FAM210A: variants seen among roughly 807,000 people sequenced by gnomAD.
The protein encoded by FAM210A is family with sequence similarity 210 member A.
FAM210A carries 13 observed loss-of-function variants against 25.3 expected under a neutral mutation model. The observed-to-expected ratio is 0.51, with a 90% CI of 0.33 to 0.82. The LOEUF is 0.82. Ranked by LOEUF, FAM210A falls within the 40% of genes least tolerant of loss-of-function variation. The probability of loss-of-function intolerance (pLI) is 0.02; values close to 1 mark genes in which losing one functional copy is unlikely to be tolerated. For synonymous variants in FAM210A, 125 were observed against 118.7 expected (o/e 1.05, Z -0.35); for missense variants, 319 against 323.2 (o/e 0.99, Z 0.10).
chr18:13,694,882 T>C (rs976721195), intron 1 of FAM210A, among the ~76,000 whole-genome samples: 2 of 152,010 alleles, frequency 1.3e-5, no homozygotes, highest in Non-Finnish European at 2.9e-5. Flanking sequence ...CTAATTAAAC[T>C]AAAGAGCTTC....
chr18:13,723,940 A>G (rs1372840087), intron 1 of FAM210A, among the ~76,000 whole-genome samples: 1 of 152,042 alleles, frequency 6.6e-6, no homozygotes, highest in Non-Finnish European at 1.5e-5. Context: ...TCCATGAACC[A>G]CCTCTCTTCA....
At chr18:13,703,224 T>G (rs1285026917) in intron 1 of FAM210A, among the ~76,000 whole-genome samples, 1 of 152,180 alleles carries the variant, frequency 6.6e-6, no homozygotes, top group Non-Finnish European at 1.5e-5. Flanking sequence ...TGGTATGTAA[T>G]AATTAGGTAG....
At chr18:13,696,163 T>A (rs2043691709) in intron 1 of FAM210A, among the ~76,000 whole-genome samples, 1 of 152,220 alleles carries the variant, frequency 6.6e-6, no homozygotes, top group Non-Finnish European at 1.5e-5. Flanking sequence ...CAGTATGATC[T>A]ACAGATTCAA....
chr18:13,720,279 T>A (rs987193814), intron 1 of FAM210A, among the ~76,000 whole-genome samples: 1 of 152,130 alleles, frequency 6.6e-6, no homozygotes, highest in Non-Finnish European at 1.5e-5. Flanking sequence ...ATCTGCTGGG[T>A]CATATGGCCT....
At chr18:13,720,260 C>T (rs2043888210) in intron 1 of FAM210A, among the ~76,000 whole-genome samples, 1 of 152,186 alleles carries the variant, frequency 6.6e-6, no homozygotes, top group African/African-American at 2.4e-5. Context: ...ACATTTCAAG[C>T]ACCAGAAGAT....
rs916145254 is a variant in FAM210A, at chr18:13,664,985, A to G, written c.*1495T>C. ...GAGCACAGGAAATAGACACTTACAT[A>G]CTCAAACACACCCCACCAGCCCCGC... is the stretch of plus-strand genomic sequence containing the variant. On this transcript the variant is annotated 3_prime_UTR_variant, in exon 4 of 4. Transcript: ENST00000651643. 1 of 152,684 alleles carries G rather than the reference A, an allele frequency of 6.5e-6. No individual in the cohort carries two copies. The highest frequency in any genetic ancestry group is 1.5e-5 in the Non-Finnish European group (1 of 68,042). The allele number at this position is 152,684 out of a possible 1,614,324, so 9.5% of individuals were successfully genotyped here.
chr18:13,682,745 T>C (rs1016779693), intron 1 of FAM210A, among the ~76,000 whole-genome samples: 1 of 152,182 alleles, frequency 6.6e-6, no homozygotes, highest in Non-Finnish European at 1.5e-5. Flanking sequence ...GGTGTGTGCC[T>C]GTAATTCCAG....
intron 1 of FAM210A, among the ~76,000 whole-genome samples, chr18:13,690,924 A>G (rs891174636): frequency 6.6e-6 from 1 of 152,230 alleles, no homozygotes; most frequent in East Asian, 1.9e-4. Context: ...GTTGAGAAGA[A>G]GGCTTCAGAC....
In FAM210A at chr18:13,687,352, T is replaced by C. The variant is rs190537519; in HGVS notation, c.-28-5247A>G. Reference sequence around the variant, plus strand: ...TATCACACTACCTTTCTAAAAGTGATAAATTGGCAGCAGGGGCCAGAGAGA... The same window carrying C: ...TATCACACTACCTTTCTAAAAGTGACAAATTGGCAGCAGGGGCCAGAGAGA... On this transcript the variant is annotated intron_variant, in intron 1 of 3. Coordinates refer to ENST00000651643, the MANE Select transcript of FAM210A (RefSeq NM_152352.4). 5.7e-3 allele frequency among the ~76,000 whole-genome samples: 869 copies of C among 152,170 alleles called. 28 individuals carry two copies. The highest frequency in any genetic ancestry group is 0.05 in the Admixed American group (762 of 15,292).
chr18:13,709,002 A>G (rs1417189516), intron 1 of FAM210A, among the ~76,000 whole-genome samples: 1 of 152,336 alleles, frequency 6.6e-6, no homozygotes, highest in South Asian at 2.1e-4. Context: ...AAAACAACAG[A>G]GTAAAATAAT....
Position 13,666,511 on chromosome 18 carries a change from TC to T in FAM210A, c.787del (p.Glu263LysfsTer18), listed in dbSNP as rs1354935981. ...RLTEKLQETK[E>X]KVSFKKKVE ...CACTTTTTTCTTAAAGGAAACTTTTTCTTTGGTTTCTTGTAACTTTTCAGTG... is the reference window on the plus strand; with the variant it reads ...CACTTTTTTCTTAAAGGAAACTTTTTTTTGGTTTCTTGTAACTTTTCAGTG... On this transcript the variant is annotated frameshift_variant, in exon 4 of 4. Transcript: ENST00000651643. LOFTEE classifies it high-confidence loss of function. The T allele has an allele frequency of 6.2e-7, 1 of 1,613,758 alleles. No homozygotes were observed. The highest frequency in any genetic ancestry group is 8.5e-7 in the Non-Finnish European group (1 of 1,179,896).
chr18:13,702,839 TCTC>T (rs1297281349), intron 1 of FAM210A, among the ~76,000 whole-genome samples: 3 of 152,216 alleles, frequency 2.0e-5, no homozygotes, highest in South Asian at 4.1e-4. Flanking sequence ...ACTGCGGAAT[TCTC>T]CTTTCTAAGA....
intron 1 of FAM210A, among the ~76,000 whole-genome samples, chr18:13,684,025 T>C (rs906543873): frequency 1.3e-5 from 2 of 152,158 alleles, no homozygotes; most frequent in African/African-American, 4.8e-5. Flanking sequence ...TCACAGATAA[T>C]CCAACAACAG....
chr18:13,663,538 C>A lies in FAM210A; in HGVS notation c.*2942G>T, dbSNP rs1464630298. On this transcript the variant is annotated 3_prime_UTR_variant, in exon 4 of 4. Transcript: ENST00000651643. ...TTCCTGAATAAACTAAGTCTCTCAC[C>A]TAATCCATCTTTCATTTCAAATATC... 6.6e-6 allele frequency: 1 copy of A among 152,112 alleles called. No homozygotes were observed. The highest frequency in any genetic ancestry group is 1.5e-5 in the Non-Finnish European group (1 of 68,040). The allele number at this position is 152,112 out of a possible 1,614,324, so 9.4% of individuals were successfully genotyped here. A position where few individuals can be genotyped will look rare whatever the true frequency, so the allele number is the denominator to read the frequency against.
chr18:13,675,661 CTT>C lies in FAM210A; in HGVS notation c.474-3690_474-3689del, dbSNP rs1395939256. Among the ~76,000 whole-genome samples, 264 of 127,358 alleles carry C rather than the reference CTT, an allele frequency of 2.1e-3. 73 individuals carry two copies. Among genetic ancestry groups the C allele is most frequent in the African/African-American group, 3.1e-3 (104 of 33,664 alleles). 83.6% of individuals were successfully genotyped at this position (127,358 alleles called of 152,430 possible). ...GATTATTAACATTCCTGAGCCCTGG[CTT>C]CTTTATTTCCAGTTTCCTGATTATT... is the stretch of plus-strand genomic sequence containing the variant. On this transcript the variant is annotated intron_variant, in intron 2 of 3. Transcript: ENST00000651643.
chr18:13,705,564 C>T lies in FAM210A; in HGVS notation c.-29+20765G>A, dbSNP rs535857880. 1.1e-4 allele frequency among the ~76,000 whole-genome samples: 16 copies of T among 152,248 alleles called. 1 individual carries two copies. Among genetic ancestry groups the T allele is most frequent in the East Asian group, 3.9e-4 (2 of 5,180 alleles). On this transcript the variant is annotated intron_variant, in intron 1 of 3. Coordinates refer to ENST00000651643, the MANE Select transcript of FAM210A (RefSeq NM_152352.4). Reference sequence around the variant, plus strand: ...TCGGCCCACTGCAACCTCTGCCTTCCGGGTTCAAGCAATTCTCCTGCCTCA... The same window carrying T: ...TCGGCCCACTGCAACCTCTGCCTTCTGGGTTCAAGCAATTCTCCTGCCTCA...
In FAM210A at chr18:13,684,905, C is replaced by T. The variant is rs184097502; in HGVS notation, c.-28-2800G>A. Among the ~76,000 whole-genome samples the T allele has an allele frequency of 2.1e-4, 32 of 152,044 alleles. No homozygotes were observed. The East Asian group carries it at 4.4e-3, about 21-fold the overall frequency. ...TAGAAACCATTAACATAAAGATAGCCGGGAACTCCCCCCACTCCCAATTAT... is the reference window on the plus strand; with the variant it reads ...TAGAAACCATTAACATAAAGATAGCTGGGAACTCCCCCCACTCCCAATTAT... On this transcript the variant is annotated intron_variant, in intron 1 of 3. Coordinates refer to ENST00000651643, the MANE Select transcript of FAM210A (RefSeq NM_152352.4).
chr18:13,687,889 A>C (rs1390912004), intron 1 of FAM210A: 1 of 152,036 alleles, frequency 6.6e-6, no homozygotes, highest in Non-Finnish European at 1.5e-5. Flanking sequence ...TCTTCTGAGG[A>C]GGCAAGAAAT....
intron 1 of FAM210A, among the ~76,000 whole-genome samples, chr18:13,713,729 C>CACACACACACACAG (rs1407501873): frequency 1.3e-4 from 19 of 150,846 alleles, no homozygotes; most frequent in Non-Finnish European, 2.2e-4. Flanking sequence ...CTATAAAACA[C>CACACACACACACAG]ACACACACAC....
Sources: allele counts gnomAD v4.1 joint callset (sites outside exome capture counted in the v4.1 genomes callset), GRCh38; gene constraint gnomAD v4.1.1; transcripts MANE v1.5; gene names NCBI Gene and HGNC (gene_info 2026-07-23, HGNC 2026-07-21).